BCL3: variants seen among roughly 807,000 people sequenced by gnomAD.
BCL3 encodes the protein BCL3 transcription coactivator.
A neutral mutation model predicts 35.7 loss-of-function variants in BCL3; 15 were observed. The observed-to-expected ratio is 0.42, with a 90% CI of 0.28 to 0.65. The LOEUF (loss-of-function observed/expected upper bound fraction) is 0.65, where lower values mean the gene tolerates loss of function less well. BCL3 is among the 30% of genes least tolerant of loss of function. BCL3 has a pLI of 0.22. For missense variants in BCL3, 565 were observed against 641.7 expected (o/e 0.88, Z 1.29); for synonymous variants, 311 against 284.3 (o/e 1.09, Z -0.95).
chr19:44,747,726 G>A, upstream of BCL3: 1 of 781,500 alleles, frequency 1.3e-6, no homozygotes, highest in Non-Finnish European at 1.6e-6. Context: ...CGCTCCTGCA[G>A]CACCGGCCTC....
chr19:44,754,429 G>A (rs1967242996), intron 2 of BCL3, among the ~76,000 whole-genome samples: 1 of 152,144 alleles, frequency 6.6e-6, no homozygotes, highest in Admixed American at 6.5e-5. Context: ...GGTGCCAGGG[G>A]TGGCCAGGGT....
At chr19:44,750,495 C>T (rs973857371) in intron 1 of BCL3, among the ~76,000 whole-genome samples, 1 of 152,112 alleles carries the variant, frequency 6.6e-6, no homozygotes, top group African/African-American at 2.4e-5. Flanking sequence ...GACAGGGTTT[C>T]ACCATGTTGC....
At chr19:44,751,160 G>T in intron 1 of BCL3, 67 bp from the exon 2 acceptor site, 2 of 1,546,662 alleles carry the variant, frequency 1.3e-6, no homozygotes, top group Non-Finnish European at 8.7e-7. Context: ...TTTTAGAAGT[G>T]GGGGGCGGGT....
Position 44,757,165 on chromosome 19 carries a change from C to G in BCL3, c.668C>G (p.Ala223Gly). ...CEHRSPTCLR[A>G]LLDSAAPGTL... The stretch of plus-strand genomic sequence containing the variant: ...CACCGCAGCCCGACCTGCCTGCGAG[C>G]CCTGCTGGACAGCGCAGCTCCGGGC... The change falls in exon 4 of 9, where the codon GCC (alanine) becomes GGC (glycine). Residue 223 changes from alanine (A) to glycine (G), a missense_variant. Physicochemically the swap from Ala to Gly is moderately conservative, Grantham distance 60. This residue lies in a region of BCL3 where 103 missense variants were observed against 106.7 expected (regional missense o/e 0.97). Coordinates refer to ENST00000164227, the MANE Select transcript of BCL3 (RefSeq NM_005178.5). This position sits in a 1 kb window ranked among gnomAD's most constrained non-coding sequence, Gnocchi z 8.4. The G allele has an allele frequency of 6.3e-7, 1 of 1,584,438 alleles. No individual in the cohort carries two copies. Among genetic ancestry groups the G allele is most frequent in the Non-Finnish European group, 8.6e-7 (1 of 1,165,382 alleles).
At position 44,757,215 on chromosome 19, in the gene BCL3, T is replaced by G; in HGVS notation, c.718T>G (p.Tyr240Asp). ...CACGTTGGACCTGGAGGCCCGCAAT[T>G]ATGACGGTAAGCATTTACCGCGGGG... ...PGTLDLEARN[Y>D]DGLTALHVAV... Residue 240 changes from tyrosine (Y) to aspartate (D), a missense_variant, in exon 4 of 9, where the codon TAT (tyrosine) becomes GAT (aspartate). Around this residue, in one of 5 missense-constraint regions of BCL3, gnomAD observed 103 missense variants for 106.7 expected, o/e 0.97. Coordinates refer to ENST00000164227, the MANE Select transcript of BCL3 (RefSeq NM_005178.5). The surrounding 1 kb of genome is among the most constrained non-coding windows in gnomAD (Gnocchi z 8.4). The G allele has an allele frequency of 6.4e-7, 1 of 1,553,196 alleles. No individual in the cohort carries two copies. Among genetic ancestry groups the G allele is most frequent in the Non-Finnish European group, 8.7e-7 (1 of 1,144,780 alleles).
Position 44,751,270 on chromosome 19 carries a change from G to A in BCL3, c.300G>A (p.Pro100=), listed in dbSNP as rs781291617. ...PLYPTRAMGS[P]FPLVNLPTPL... is the part of the protein sequence containing the mutation. ...ACCCCACTCGGGCCATGGGCTCCCC[G>A]TTTCCTCTGGTGAACCTGCCTACAC... The change falls in exon 2 of 9, where the codon CCG becomes CCA. Residue 100 remains proline, a synonymous_variant. Coordinates refer to ENST00000164227, the MANE Select transcript of BCL3 (RefSeq NM_005178.5). 3.0e-5 allele frequency: 48 copies of A among 1,610,822 alleles called. No individual in the cohort carries two copies. The highest frequency in any genetic ancestry group is 1.2e-4 in the Admixed American group (7 of 59,358).
intron 2 of BCL3, among the ~76,000 whole-genome samples, chr19:44,753,087 T>C (rs1346071705): frequency 2.6e-5 from 4 of 152,184 alleles, no homozygotes; most frequent in African/African-American, 9.7e-5. Flanking sequence ...ATTAATACAG[T>C]GCACAGAACA....
Position 44,759,602 on chromosome 19 carries a change from C to T in BCL3, c.1352C>T (p.Pro451Leu). 1 of 1,605,514 alleles carries T rather than the reference C, an allele frequency of 6.2e-7. No homozygotes were observed. Among genetic ancestry groups the T allele is most frequent in the Non-Finnish European group, 8.5e-7 (1 of 1,178,170 alleles). The change falls in exon 9 of 9, where the codon CCA becomes CTA. Residue 451 changes from proline (P) to leucine (L), a missense_variant. Around this residue, in one of 5 missense-constraint regions of BCL3, gnomAD observed 151 missense variants for 138.1 expected, o/e 1.09. Coordinates refer to ENST00000164227, the MANE Select transcript of BCL3 (RefSeq NM_005178.5). ...CGGCCGGTGCCCCCCTCCCCAGCTCCAGGAGGCAGCTGAGGGGGATGGGGG... is the reference window on the plus strand; with the variant it reads ...CGGCCGGTGCCCCCCTCCCCAGCTCTAGGAGGCAGCTGAGGGGGATGGGGG... The part of the protein sequence containing the change: ...PGRPVPPSPA[P>L]GGS
At chr19:44,751,081 C>A in intron 1 of BCL3, 146 bp from the exon 2 acceptor site, 1 of 1,013,474 alleles carries the variant, frequency 9.9e-7, no homozygotes, top group Non-Finnish European at 1.4e-6. Context: ...TTGTTTTAGG[C>A]CCTGAGGACC....
At chr19:44,754,882 A>G (rs1967252398) in intron 2 of BCL3, among the ~76,000 whole-genome samples, 1 of 152,270 alleles carries the variant, frequency 6.6e-6, no homozygotes, top group South Asian at 2.1e-4. Flanking sequence ...TTGCCCTAGC[A>G]CGCGGCTACG....
chr19:44,758,513 C>T, intron 7 of BCL3, 100 bp downstream of exon 7: 2 of 1,451,258 alleles, frequency 1.4e-6, no homozygotes, highest in Non-Finnish European at 1.8e-6. Flanking sequence ...GGTGTCTGTG[C>T]CGTTGCGTGG....
chr19:44,757,203 G>A lies in BCL3; in HGVS notation c.706G>A (p.Glu236Lys). Residue 236 changes from glutamate to lysine, a missense_variant, in exon 4 of 9, where the codon GAG (glutamate) becomes AAG (lysine). Physicochemically the swap from Glu to Lys is moderately conservative, Grantham distance 56. Coordinates refer to ENST00000164227, the MANE Select transcript of BCL3 (RefSeq NM_005178.5). This position sits in a 1 kb window ranked among gnomAD's most constrained non-coding sequence, Gnocchi z 8.4. ...CGCAGCTCCGGGCACGTTGGACCTGGAGGCCCGCAATTATGACGGTAAGCA... is the reference window on the plus strand; with the variant it reads ...CGCAGCTCCGGGCACGTTGGACCTGAAGGCCCGCAATTATGACGGTAAGCA... Reference protein sequence around the residue: ...DSAAPGTLDLEARNYDGLTAL... With the variant: ...DSAAPGTLDLKARNYDGLTAL... 1 of 1,557,426 alleles carries A rather than the reference G, an allele frequency of 6.4e-7. No individual in the cohort carries two copies. The highest frequency in any genetic ancestry group is 8.7e-7 in the Non-Finnish European group (1 of 1,147,458).
chr19:44,758,012 C>G (rs138143418), intron 6 of BCL3, among the ~76,000 whole-genome samples: 3 of 152,234 alleles, frequency 2.0e-5, no homozygotes, highest in East Asian at 1.9e-4. Flanking sequence ...GTCCTTCCCC[C>G]CTCCAGCTCC....
intron 2 of BCL3, among the ~76,000 whole-genome samples, chr19:44,753,512 C>A (rs1225167377): frequency 6.6e-6 from 1 of 152,166 alleles, no homozygotes; most frequent in African/African-American, 2.4e-5. Context: ...CGTCAGCACC[C>A]GTCACTCACT....
Position 44,748,904 on chromosome 19 carries a change from C to T in BCL3, c.114C>T (p.Arg38=), listed in dbSNP as rs2122271301. The T allele has an allele frequency of 9.6e-6, 11 of 1,141,738 alleles. No homozygotes were observed. The highest frequency in any genetic ancestry group is 9.7e-6 in the Non-Finnish European group (9 of 932,388). 70.7% of individuals were successfully genotyped at this position (1,141,738 alleles called of 1,614,324 possible). ...AALPLRKRPL[R]APSPEPAAPR... ...TGCCGCTCCGCAAGCGCCCGCTGCGCGCGCCCTCCCCGGAGCCCGCCGCTC... is the reference window on the plus strand; with the variant it reads ...TGCCGCTCCGCAAGCGCCCGCTGCGTGCGCCCTCCCCGGAGCCCGCCGCTC... Residue 38 remains arginine (R), a synonymous_variant, in exon 1 of 9, where the codon CGC becomes CGT. Coordinates refer to ENST00000164227, the MANE Select transcript of BCL3 (RefSeq NM_005178.5).
At chr19:44,754,703 G>A (rs1307913416) in intron 2 of BCL3, among the ~76,000 whole-genome samples, 3 of 152,178 alleles carry the variant, frequency 2.0e-5, no homozygotes, top group African/African-American at 7.2e-5. Flanking sequence ...GCAGAGAAGG[G>A]GGGACCCTTC....
At chr19:44,753,285 T>G (rs1303999381) in intron 2 of BCL3, among the ~76,000 whole-genome samples, 1 of 152,150 alleles carries the variant, frequency 6.6e-6, no homozygotes, top group African/African-American at 2.4e-5. Context: ...ATGGGCTTAA[T>G]CAGACAGTCT....
intron 2 of BCL3, among the ~76,000 whole-genome samples, chr19:44,752,988 G>T: frequency 6.6e-6 from 1 of 152,216 alleles, no homozygotes; most frequent in Non-Finnish European, 1.5e-5. Flanking sequence ...GTGATTTCAT[G>T]TCCCTGAGTC....
intron 2 of BCL3, among the ~76,000 whole-genome samples, chr19:44,754,252 C>G (rs927574591): frequency 1.3e-5 from 2 of 152,146 alleles, no homozygotes; most frequent in Non-Finnish European, 2.9e-5. Flanking sequence ...ATAAGGAGGA[C>G]TTGCAGCCAG....
Sources: allele counts gnomAD v4.1 joint callset (sites outside exome capture counted in the v4.1 genomes callset), GRCh38; gene constraint gnomAD v4.1.1; regional missense constraint gnomAD v4.1.1; non-coding constraint Gnocchi (gnomAD v3.1); transcripts MANE v1.5; gene names NCBI Gene and HGNC (gene_info 2026-07-23, HGNC 2026-07-21).